GPAT3: variants seen among roughly 807,000 people sequenced by gnomAD.
The protein encoded by GPAT3 is 1-AGP acyltransferase 9.
In GPAT3, 53 loss-of-function variants were observed where a neutral mutation model predicts 58.8. The ratio of observed to expected loss-of-function variants is 0.90; its 90% CI spans 0.72 to 1.13. GPAT3 has a LOEUF of 1.13. Among genes scored for constraint, GPAT3 ranks in the 50% most tolerant of loss-of-function variants. The probability of loss-of-function intolerance (pLI) is 0.00; values close to 1 mark genes in which losing one functional copy is unlikely to be tolerated. For synonymous variants in GPAT3, 197 were observed against 187.4 expected (o/e 1.05, Z -0.42); for missense variants, 511 against 527.6 (o/e 0.97, Z 0.31).
At chr4:83,556,558 C>T (rs1018787076) in intron 2 of GPAT3, among the ~76,000 whole-genome samples, 14 of 146,384 alleles carry the variant, frequency 9.6e-5, no homozygotes, top group South Asian at 2.2e-4. Context: ...TTATTCTCAA[C>T]GCTATTTTTT....
chr4:83,595,098 A>G (rs1397385147), intron 7 of GPAT3, 138 bp downstream of exon 7: 1 of 676,520 alleles, frequency 1.5e-6, no homozygotes, highest in African/African-American at 1.8e-5. Context: ...TTTTTCTGGC[A>G]AATCACCTGT....
intron 6 of GPAT3, among the ~76,000 whole-genome samples, chr4:83,590,716 G>A (rs1393723616): frequency 6.6e-6 from 1 of 152,004 alleles, no homozygotes; most frequent in East Asian, 1.9e-4. Flanking sequence ...TCTTTAATGA[G>A]GATCTAGCAA....
At chr4:83,541,908 C>G (rs1301916991) in intron 1 of GPAT3, among the ~76,000 whole-genome samples, 1 of 152,186 alleles carries the variant, frequency 6.6e-6, no homozygotes, top group Non-Finnish European at 1.5e-5. Flanking sequence ...ATCCTTGTGT[C>G]TATTTGCATG....
rs185798924 is a variant in GPAT3 at position 83,582,786 on chromosome 4, G to T, written c.479+954G>T. On this transcript the variant is annotated intron_variant, in intron 3 of 11. Coordinates refer to ENST00000264409, the MANE Select transcript of GPAT3 (RefSeq NM_032717.5). The stretch of plus-strand genomic sequence containing the variant: ...AAATTATTTCTGGGTTGTTGTTGTT[G>T]TTTTTTTTTGCCCATATTGCTAGTT... Among the ~76,000 whole-genome samples the T allele has an allele frequency of 1.3e-3, 190 of 150,654 alleles. 2 individuals are homozygous for T. The South Asian group carries it at 0.017, about 13-fold the overall frequency.
intron 2 of GPAT3, among the ~76,000 whole-genome samples, chr4:83,552,953 T>C (rs1372370549): frequency 6.6e-6 from 1 of 152,146 alleles, no homozygotes; most frequent in Non-Finnish European, 1.5e-5. Flanking sequence ...AAGATAGCCA[T>C]CTGGAAATCG....
intron 3 of GPAT3, among the ~76,000 whole-genome samples, chr4:83,583,656 G>A (rs147654438): frequency 0.022 from 2,352 of 106,784 alleles, 98 homozygotes; most frequent in African/African-American, 0.085. Flanking sequence ...GACAGAGCGA[G>A]ACTCTTGTCT....
chr4:83,547,254 T>C (rs1724557600), intron 2 of GPAT3, among the ~76,000 whole-genome samples: 1 of 138,254 alleles, frequency 7.2e-6, no homozygotes. Context: ...CTCTTTTTTT[T>C]TTTTTTTTTT....
chr4:83,566,559 A>G (rs1725395874), intron 2 of GPAT3, among the ~76,000 whole-genome samples: 2 of 151,432 alleles, frequency 1.3e-5, no homozygotes, highest in African/African-American at 2.4e-5. Context: ...GGTGTGAGCC[A>G]CTACGCCCGG....
intron 5 of GPAT3, among the ~76,000 whole-genome samples, chr4:83,589,188 A>C (rs1192295078): frequency 1.3e-5 from 2 of 152,240 alleles, no homozygotes; most frequent in Non-Finnish European, 2.9e-5. Context: ...CACTTATTAC[A>C]TAAAGAGGAG....
rs1198481017 is a variant in GPAT3 at position 83,588,293 on chromosome 4, A to G, written c.638A>G (p.His213Arg). The G allele has an allele frequency of 1.3e-6, 2 of 1,574,050 alleles. No individual in the cohort carries two copies. The highest frequency in any genetic ancestry group is 1.8e-5 in the Admixed American group (1 of 54,444). ...GCCCTCTCTGGTACCATTCATTATC[A>G]TAACAAGTGAGTATCTGCTCCAATG... Reference protein sequence around the residue: ...VRALSGTIHYHNKQYRPQKGG... With the variant: ...VRALSGTIHYRNKQYRPQKGG... Residue 213 changes from histidine (H) to arginine (R), a missense_variant, in exon 5 of 12, where the codon CAT (histidine) becomes CGT (arginine). By Grantham distance (29) the His-to-Arg change is conservative. Coordinates refer to ENST00000264409, the MANE Select transcript of GPAT3 (RefSeq NM_032717.5).
chr4:83,592,551 T>TCTATCATGTAGATGTATACA (rs1297006321), intron 6 of GPAT3, among the ~76,000 whole-genome samples: 1 of 152,224 alleles, frequency 6.6e-6, no homozygotes, highest in African/African-American at 2.4e-5. Context: ...GATGTATACA[T>TCTATCATGTAGATGTATACA]TGTAGAATGG....
At chr4:83,556,396 G>A (rs562143377) in intron 2 of GPAT3, among the ~76,000 whole-genome samples, 24 of 152,196 alleles carry the variant, frequency 1.6e-4, no homozygotes, top group African/African-American at 5.8e-4. Context: ...TACTTGGGAG[G>A]CTTAGGTATG....
intron 3 of GPAT3, among the ~76,000 whole-genome samples, chr4:83,586,809 A>G (rs1441823190): frequency 1.3e-5 from 2 of 152,224 alleles, no homozygotes; most frequent in African/African-American, 2.4e-5. Flanking sequence ...CAAAAGGACA[A>G]CAGTTAGATT....
chr4:83,568,668 C>T (rs1025351868), intron 2 of GPAT3, among the ~76,000 whole-genome samples: 2 of 152,032 alleles, frequency 1.3e-5, no homozygotes, highest in Non-Finnish European at 2.9e-5. Context: ...CCACCACACC[C>T]GGCCAACTTT....
In GPAT3 at chr4:83,551,118, A is replaced by G. The variant is rs143814369; in HGVS notation, c.208+6516A>G. ...TCAAATGTACCCAGAGCCTCAGCAT[A>G]TATGTATTAGGTGACTTGTTACAAG... is the stretch of plus-strand genomic sequence containing the variant. On this transcript the variant is annotated intron_variant, in intron 2 of 11. Transcript: ENST00000264409. Among the ~76,000 whole-genome samples the G allele has an allele frequency of 6.0e-3, 917 of 152,312 alleles. 9 individuals carry two copies. Among genetic ancestry groups the G allele is most frequent in the African/African-American group, 0.021 (869 of 41,570 alleles).
chr4:83,580,650 T>C (rs963190772), intron 2 of GPAT3, among the ~76,000 whole-genome samples: 1 of 152,230 alleles, frequency 6.6e-6, no homozygotes, highest in African/African-American at 2.4e-5. Context: ...TGCTGCTGAT[T>C]TGATACTGTA....
At chr4:83,560,322 C>T (rs1217128885) in intron 2 of GPAT3, among the ~76,000 whole-genome samples, 6 of 152,334 alleles carry the variant, frequency 3.9e-5, no homozygotes, top group Non-Finnish European at 7.3e-5. Context: ...TGATCCTCAG[C>T]GTTTCTCCCT....
chr4:83,574,059 T>A (rs1473155882), intron 2 of GPAT3, among the ~76,000 whole-genome samples: 1 of 152,204 alleles, frequency 6.6e-6, no homozygotes, highest in Admixed American at 6.5e-5. Flanking sequence ...TCACCTGTTT[T>A]TAAGTGAGTT....
chr4:83,555,865 A>G (rs918134797), intron 2 of GPAT3, among the ~76,000 whole-genome samples: 1 of 152,202 alleles, frequency 6.6e-6, no homozygotes, highest in African/African-American at 2.4e-5. Flanking sequence ...TGGGACATCT[A>G]GCTGGTGTCG....
Sources: allele counts gnomAD v4.1 joint callset (sites outside exome capture counted in the v4.1 genomes callset), GRCh38; gene constraint gnomAD v4.1.1; transcripts MANE v1.5; gene names NCBI Gene and HGNC (gene_info 2026-07-23, HGNC 2026-07-21).